The following AGBL4 variants were observed in gnomAD, a reference collection of about 807,000 sequenced individuals.
AGBL4 encodes AGBL carboxypeptidase 4.
A neutral mutation model predicts 66.4 loss-of-function variants in AGBL4; 58 were observed. The ratio of observed to expected loss-of-function variants is 0.87; its 90% confidence interval spans 0.71 to 1.09. AGBL4 has a LOEUF of 1.09. Ranked by LOEUF, AGBL4 falls within the 50% of genes least tolerant of loss-of-function variation. The pLI is 0.00. For synonymous variants in AGBL4, 234 were observed against 222.9 expected, an observed-to-expected ratio of 1.05 and a Z score of -0.44; for missense variants, 579 against 631.0, an observed-to-expected ratio of 0.92 and a Z score of 0.88.
At chr1:49,381,023 T>C (rs920110437) in intron 3 of AGBL4, among the ~76,000 whole-genome samples, 2 of 152,024 alleles carry the variant, frequency 1.3e-5, no homozygotes, top group African/African-American at 2.4e-5. Context: ...AGAGCTTTTG[T>C]GCAGCAAAAG....
chr1:48,663,100 A>T, intron 7 of AGBL4, 52 bp downstream of exon 7: 3 of 1,549,454 alleles, frequency 1.9e-6, no homozygotes, highest in South Asian at 2.2e-5. Flanking sequence ...AGATCATCAC[A>T]GTGTCCCAGT....
intron 4 of AGBL4, among the ~76,000 whole-genome samples, chr1:49,238,566 C>A (rs989691548): frequency 6.6e-6 from 1 of 152,144 alleles, no homozygotes; most frequent in Non-Finnish European, 1.5e-5. Flanking sequence ...GAACGAAAGT[C>A]CTGTTTCTTA....
intron 3 of AGBL4, among the ~76,000 whole-genome samples, chr1:49,342,249 T>G (rs546695275): frequency 4.5e-4 from 69 of 152,236 alleles, no homozygotes; most frequent in African/African-American, 1.2e-3. Context: ...AGGTTTTAAT[T>G]GATGAGAAAA....
At chr1:48,903,364 G>GC (rs1300062199) in intron 5 of AGBL4, among the ~76,000 whole-genome samples, 2 of 152,208 alleles carry the variant, frequency 1.3e-5, no homozygotes, top group Middle Eastern at 3.2e-3. Context: ...GACAGCCTCA[G>GC]CTTTGAGCCT....
At chr1:49,843,417 G>T (rs974402404) in intron 2 of AGBL4, among the ~76,000 whole-genome samples, 8 of 152,224 alleles carry the variant, frequency 5.3e-5, no homozygotes, top group Admixed American at 5.2e-4. Context: ...AAGATTACAG[G>T]CATGAGGCCC....
chr1:49,376,819 A>T (rs1303954586), intron 3 of AGBL4, among the ~76,000 whole-genome samples: 1 of 152,020 alleles, frequency 6.6e-6, no homozygotes, highest in Admixed American at 6.6e-5. Context: ...TACTTACCAC[A>T]TTGGATTTTA....
intron 2 of AGBL4, among the ~76,000 whole-genome samples, chr1:49,813,858 G>T (rs777303860): frequency 2.4e-4 from 36 of 152,234 alleles, no homozygotes; most frequent in Non-Finnish European, 4.7e-4. Flanking sequence ...ATCTTGAATT[G>T]TAGCTCCCAT....
In AGBL4 at chr1:50,023,785, C is replaced by T. The variant is rs1156323473; in HGVS notation, c.12G>A (p.Gly4=). The T allele has an allele frequency of 6.5e-6, 10 of 1,549,386 alleles. No homozygotes were observed. The highest frequency in any genetic ancestry group is 8.7e-6 in the Non-Finnish European group (10 of 1,146,090). The change falls in exon 1 of 14, where the codon GGG becomes GGA. Residue 4 remains glycine, a synonymous_variant. Transcript: ENST00000371839. The part of the protein sequence containing the change: MAE[G]SQSAPEAGND... ...GACCTGCCTCAGGCGCCGACTGGCTCCCCTCCGCCATTTTTGTTGTCCCTC... is the reference window on the plus strand; with the variant it reads ...GACCTGCCTCAGGCGCCGACTGGCTTCCCTCCGCCATTTTTGTTGTCCCTC...
At chr1:49,587,879 A>G (rs996550316) in intron 3 of AGBL4, among the ~76,000 whole-genome samples, 1 of 152,098 alleles carries the variant, frequency 6.6e-6, no homozygotes, top group African/African-American at 2.4e-5. Context: ...CATAATAAAC[A>G]AATACATTGA....
At chr1:49,796,353 A>G (rs992582820) in intron 2 of AGBL4, among the ~76,000 whole-genome samples, 21 of 151,744 alleles carry the variant, frequency 1.4e-4, no homozygotes, top group African/African-American at 4.3e-4. Flanking sequence ...TCCTCCAAAA[A>G]TGAGGAGAAA....
intron 6 of AGBL4, among the ~76,000 whole-genome samples, chr1:48,819,027 G>C (rs1302487418): frequency 1.3e-5 from 2 of 152,130 alleles, no homozygotes; most frequent in African/African-American, 4.8e-5. Flanking sequence ...CTGGATGCTT[G>C]TCTTTGCCCT....
At chr1:49,949,256 T>C (rs1571941234) in intron 1 of AGBL4, among the ~76,000 whole-genome samples, 1 of 151,866 alleles carries the variant, frequency 6.6e-6, no homozygotes, top group East Asian at 1.9e-4. Flanking sequence ...CTTGAAACTA[T>C]AAAAATTCTA....
chr1:49,094,661 A>C (rs960250131), intron 4 of AGBL4, among the ~76,000 whole-genome samples: 1 of 152,124 alleles, frequency 6.6e-6, no homozygotes, highest in Non-Finnish European at 1.5e-5. Context: ...AACTCTCAAT[A>C]AATTAGGTAT....
chr1:49,267,357 T>C (rs998329281), intron 3 of AGBL4, among the ~76,000 whole-genome samples: 6 of 152,166 alleles, frequency 3.9e-5, no homozygotes, highest in African/African-American at 1.4e-4. Context: ...TCAGAGTGTA[T>C]GTATTAGTCT....
intron 4 of AGBL4, among the ~76,000 whole-genome samples, chr1:49,240,320 T>A (rs1469516127): frequency 2.0e-5 from 3 of 152,068 alleles, no homozygotes; most frequent in Non-Finnish European, 4.4e-5. Context: ...ATATTTATTG[T>A]CTCCATTTCT....
intron 4 of AGBL4, among the ~76,000 whole-genome samples, chr1:49,160,816 C>G (rs920971376): frequency 6.6e-6 from 1 of 152,140 alleles, no homozygotes. Flanking sequence ...GGGCTCCAAC[C>G]AATTCGAACT....
At chr1:48,541,217 C>G (rs1159643856) in intron 11 of AGBL4, among the ~76,000 whole-genome samples, 1 of 152,190 alleles carries the variant, frequency 6.6e-6, no homozygotes, top group Non-Finnish European at 1.5e-5. Flanking sequence ...GAGCTCAATT[C>G]AGTTGTCACT....
intron 6 of AGBL4, among the ~76,000 whole-genome samples, chr1:48,757,730 A>G (rs1218193106): frequency 6.6e-6 from 1 of 152,246 alleles, no homozygotes; most frequent in East Asian, 1.9e-4. Context: ...TAAATCAAAG[A>G]AGAATGAAGC....
chr1:48,873,972 T>C (rs1570893350), intron 5 of AGBL4, among the ~76,000 whole-genome samples: 1 of 152,140 alleles, frequency 6.6e-6, no homozygotes, highest in Non-Finnish European at 1.5e-5. Flanking sequence ...TTCTGCGTGG[T>C]AGAAGAGAAT....
Sources: gnomAD v4.1 joint callset for allele counts (sites outside exome capture counted in the v4.1 genomes callset) on GRCh38, gnomAD v4.1.1 for gene constraint, MANE v1.5 for transcripts, NCBI Gene and HGNC (gene_info 2026-07-23, HGNC 2026-07-21) for gene names.